Variants in HS3ST2 observed in about 807,000 individuals in gnomAD.
The protein encoded by HS3ST2 is heparan sulfate-glucosamine 3-sulfotransferase 2, also known as heparan sulfate glucosamine 3-O-sulfotransferase 2.
HS3ST2 carries 17 observed loss-of-function variants against 26.3 expected under a neutral mutation model. That is an observed-to-expected ratio of 0.65 (90% confidence interval 0.44 to 0.97). HS3ST2 has a LOEUF of 0.97. Among genes scored for constraint, HS3ST2 ranks in the 50% least tolerant of loss-of-function variants. HS3ST2 has a pLI of 0.00. For synonymous variants in HS3ST2, 237 were observed against 219.2 expected (o/e 1.08, Z -0.72); for missense variants, 402 against 501.2 (o/e 0.80, Z 1.89).
At chr16:22,879,262 G>A (rs1901956990) in intron 1 of HS3ST2, among the ~76,000 whole-genome samples, 1 of 152,204 alleles carries the variant, frequency 6.6e-6, no homozygotes, top group African/African-American at 2.4e-5. Flanking sequence ...TATTTCTTTG[G>A]ATTCCAACAG....
intron 1 of HS3ST2, among the ~76,000 whole-genome samples, chr16:22,870,570 T>C (rs1167434260): frequency 6.6e-6 from 1 of 152,108 alleles, no homozygotes; most frequent in African/African-American, 2.4e-5. Flanking sequence ...GTCTCTCTGA[T>C]CTCCTCCCCT....
chr16:22,817,290 C>T (rs139954183), intron 1 of HS3ST2, among the ~76,000 whole-genome samples: 1 of 151,982 alleles, frequency 6.6e-6, no homozygotes, highest in East Asian at 1.9e-4. Context: ...TCGTAATTGC[C>T]CTCTCCCCAT....
chr16:22,887,554 T>C (rs1303704202), intron 1 of HS3ST2, among the ~76,000 whole-genome samples: 2 of 152,274 alleles, frequency 1.3e-5, no homozygotes, highest in African/African-American at 4.8e-5. Flanking sequence ...AATTTTGGGA[T>C]GACACAAACA....
chr16:22,852,757 C>T (rs1204797079), intron 1 of HS3ST2, among the ~76,000 whole-genome samples: 1 of 152,206 alleles, frequency 6.6e-6, no homozygotes, highest in Non-Finnish European at 1.5e-5. Flanking sequence ...GCTTGACTCT[C>T]CAGCCCTAAG....
chr16:22,896,404 C>T (rs1340383391), intron 1 of HS3ST2, among the ~76,000 whole-genome samples: 1 of 152,198 alleles, frequency 6.6e-6, no homozygotes, highest in Non-Finnish European at 1.5e-5. Flanking sequence ...TTTTAATGTA[C>T]CCCACATAGC....
chr16:22,849,260 G>C (rs992055155), intron 1 of HS3ST2, among the ~76,000 whole-genome samples: 1 of 152,100 alleles, frequency 6.6e-6, no homozygotes, highest in African/African-American at 2.4e-5. Flanking sequence ...GGATCTCACA[G>C]ATGTATGTAC....
chr16:22,843,305 GA>G (rs1315341014), intron 1 of HS3ST2, among the ~76,000 whole-genome samples: 1 of 152,044 alleles, frequency 6.6e-6, no homozygotes, highest in Non-Finnish European at 1.5e-5. Context: ...GACACCAGCT[GA>G]CTGTCCTCTA....
At chr16:22,844,214 C>G (rs1027269193) in intron 1 of HS3ST2, among the ~76,000 whole-genome samples, 3 of 152,112 alleles carry the variant, frequency 2.0e-5, no homozygotes, top group South Asian at 4.2e-4. Context: ...AGTGGCTTTA[C>G]ATTTTGCTTC....
intron 1 of HS3ST2, among the ~76,000 whole-genome samples, chr16:22,866,110 C>T (rs945741694): frequency 2.0e-5 from 3 of 152,028 alleles, no homozygotes; most frequent in Non-Finnish European, 4.4e-5. Flanking sequence ...AACATGACTG[C>T]ACTTATTTAG....
chr16:22,880,573 C>T (rs1901976141), intron 1 of HS3ST2, among the ~76,000 whole-genome samples: 1 of 152,150 alleles, frequency 6.6e-6, no homozygotes, highest in Non-Finnish European at 1.5e-5. Context: ...TTGGCTGGTA[C>T]CACTTTGATT....
intron 1 of HS3ST2, among the ~76,000 whole-genome samples, chr16:22,827,320 A>C (rs1170106595): frequency 6.6e-6 from 1 of 152,208 alleles, no homozygotes; most frequent in African/African-American, 2.4e-5. Context: ...GGCCTTTGCA[A>C]GAATTTTGCC....
chr16:22,878,435 C>T (rs1404022327), intron 1 of HS3ST2, among the ~76,000 whole-genome samples: 3 of 152,110 alleles, frequency 2.0e-5, no homozygotes, highest in Non-Finnish European at 2.9e-5. Flanking sequence ...AGTACATGTT[C>T]GAGTCACACT....
At chr16:22,889,306 A>T (rs1056514534) in intron 1 of HS3ST2, among the ~76,000 whole-genome samples, 1 of 152,206 alleles carries the variant, frequency 6.6e-6, no homozygotes, top group East Asian at 1.9e-4. Flanking sequence ...ATAAGTACGG[A>T]GGGAAGTTGC....
intron 1 of HS3ST2, chr16:22,833,346 G>A (rs1901203970): frequency 2.2e-6 from 1 of 455,524 alleles, no homozygotes; most frequent in Non-Finnish European, 4.4e-6. Flanking sequence ...TACCTGGACT[G>A]GAGACAAGAA....
intron 1 of HS3ST2, among the ~76,000 whole-genome samples, chr16:22,906,300 G>A (rs1416607225): frequency 6.6e-6 from 1 of 152,030 alleles, no homozygotes; most frequent in African/African-American, 2.4e-5. Context: ...GAACCTGGGA[G>A]GTGGAAGTGG....
At chr16:22,831,898 A>G (rs1402852712) in intron 1 of HS3ST2, among the ~76,000 whole-genome samples, 1 of 152,204 alleles carries the variant, frequency 6.6e-6, no homozygotes, top group Non-Finnish European at 1.5e-5. Context: ...GGTCACATGT[A>G]TCTATACATG....
At chr16:22,884,270 G>A (rs1902030465) in intron 1 of HS3ST2, among the ~76,000 whole-genome samples, 1 of 152,002 alleles carries the variant, frequency 6.6e-6, no homozygotes, top group South Asian at 2.1e-4. Context: ...AATTATTACT[G>A]CTACTGTCTC....
intron 1 of HS3ST2, among the ~76,000 whole-genome samples, chr16:22,847,956 AAAG>A (rs1475562378): frequency 6.6e-6 from 1 of 151,902 alleles, no homozygotes; most frequent in African/African-American, 2.4e-5. Flanking sequence ...GGAGGGAAGA[AAAG>A]AAAGAGTGAG....
intron 1 of HS3ST2, among the ~76,000 whole-genome samples, chr16:22,836,604 A>G (rs778006353): frequency 3.3e-5 from 5 of 149,794 alleles, no homozygotes; most frequent in Admixed American, 6.7e-5. Flanking sequence ...ATGAGTATCT[A>G]TTTTTTTTTC....
Sources: gnomAD v4.1 joint callset for allele counts (sites outside exome capture counted in the v4.1 genomes callset) on GRCh38, gnomAD v4.1.1 for gene constraint, MANE v1.5 for transcripts, NCBI Gene and HGNC (gene_info 2026-07-23, HGNC 2026-07-21) for gene names.